ROBO1: variants seen among roughly 807,000 people sequenced by gnomAD.
ROBO1 encodes roundabout guidance receptor 1.
ROBO1 carries 149 observed loss-of-function variants against 195.9 expected under a neutral mutation model. The observed-to-expected ratio is 0.76, with a 90% CI of 0.67 to 0.87. The LOEUF is 0.87. Ranked by LOEUF, ROBO1 falls within the 40% of genes least tolerant of loss-of-function variation. ROBO1 has a pLI of 0.00. For missense variants in ROBO1, 1,933 were observed against 2,068.3 expected (o/e 0.93, Z 1.27); for synonymous variants, 816 against 733.2 (o/e 1.11, Z -1.82).
intron 2 of ROBO1, among the ~76,000 whole-genome samples, chr3:79,467,614 C>A (rs184231068): frequency 6.6e-6 from 1 of 151,956 alleles, no homozygotes; most frequent in Admixed American, 6.6e-5. Context: ...CACTCCATAC[C>A]CTTTTGGGCT....
At chr3:79,484,755 C>CTTTTTTTTTTTT (rs1158213253) in intron 2 of ROBO1, among the ~76,000 whole-genome samples, 20,203 of 65,964 alleles carry the variant, frequency 0.31, 7,691 homozygotes, top group Non-Finnish European at 0.4. Flanking sequence ...ATTGCACTAT[C>CTTTTTTTTTTTT]TTTTTTTTTT....
chr3:79,209,463 G>GT (rs147100356), intron 2 of ROBO1, among the ~76,000 whole-genome samples: 3,590 of 151,826 alleles, frequency 0.024, 115 homozygotes, highest in African/African-American at 0.076. Context: ...ATGTGCAAGT[G>GT]TTTTTTTTAT....
intron 2 of ROBO1, among the ~76,000 whole-genome samples, chr3:79,232,825 G>A (rs1169459139): frequency 6.6e-6 from 1 of 152,088 alleles, no homozygotes; most frequent in Non-Finnish European, 1.5e-5. Flanking sequence ...TCATTCTTTT[G>A]TAAAAAGTTA....
At chr3:79,055,208 C>A (rs773805095) in intron 3 of ROBO1, among the ~76,000 whole-genome samples, 1 of 152,080 alleles carries the variant, frequency 6.6e-6, no homozygotes, top group Non-Finnish European at 1.5e-5. Flanking sequence ...TCGTGTCTGC[C>A]AAGGTTCCTG....
At chr3:79,045,438 T>A (rs4680950) in intron 3 of ROBO1, among the ~76,000 whole-genome samples, 1 of 151,926 alleles carries the variant, frequency 6.6e-6, no homozygotes, top group Non-Finnish European at 1.5e-5. Context: ...CAGTTTAAAC[T>A]TCTTGGTTTT....
At chr3:79,762,085 G>T (rs1370247299) in intron 1 of ROBO1, among the ~76,000 whole-genome samples, 2 of 152,110 alleles carry the variant, frequency 1.3e-5, no homozygotes, top group East Asian at 1.9e-4. Flanking sequence ...TATCTTTAGG[G>T]TGCTACAACA....
At chr3:79,021,701 C>T (rs2078106265) in intron 3 of ROBO1, among the ~76,000 whole-genome samples, 2 of 143,248 alleles carry the variant, frequency 1.4e-5, no homozygotes, top group African/African-American at 5.3e-5. Context: ...GTCTTTGTCG[C>T]CCAGGCTGGA....
chr3:78,714,506 A>T lies in ROBO1; in HGVS notation c.936T>A (p.Asp312Glu). ...TCACCTTCCTAATTTTCAAGGTATGATCATCTCGGATTTCATATCTAATGA... is the reference window on the plus strand; with the variant it reads ...TCACCTTCCTAATTTTCAAGGTATGTTCATCTCGGATTTCATATCTAATGA... ...LPKSRYEIRD[D>E]HTLKIRKVTA... Residue 312 changes from aspartate to glutamate, a missense_variant, in exon 8 of 31, where the codon GAT becomes GAA. Transcript: ENST00000464233. 1.9e-6 allele frequency: 3 copies of T among 1,611,242 alleles called. No individual in the cohort carries two copies. Among genetic ancestry groups the T allele is most frequent in the Middle Eastern group, 3.3e-4 (2 of 6,056 alleles).
intron 1 of ROBO1, among the ~76,000 whole-genome samples, chr3:79,590,875 AT>A (rs1328124037): frequency 1.3e-5 from 2 of 151,756 alleles, no homozygotes; most frequent in African/African-American, 4.8e-5. Context: ...ATAATGACAT[AT>A]TTAGGCTATT....
chr3:78,813,562 A>G (rs1027296077), intron 4 of ROBO1, among the ~76,000 whole-genome samples: 2 of 152,118 alleles, frequency 1.3e-5, no homozygotes, highest in Non-Finnish European at 2.9e-5. Context: ...AATTCTCAGA[A>G]TCGTTCTGTT....
At chr3:79,565,961 C>T (rs1046749558) in intron 2 of ROBO1, among the ~76,000 whole-genome samples, 11 of 152,038 alleles carry the variant, frequency 7.2e-5, no homozygotes, top group Admixed American at 5.9e-4. Context: ...CGGTTCCCTT[C>T]CTGGTGGAAC....
At chr3:78,942,209 A>G (rs1430025318) in intron 3 of ROBO1, among the ~76,000 whole-genome samples, 1 of 151,990 alleles carries the variant, frequency 6.6e-6, no homozygotes, top group Non-Finnish European at 1.5e-5. Flanking sequence ...CTCAGGTGCA[A>G]TGATCACCTG....
At chr3:79,407,933 C>T (rs1478714614) in intron 2 of ROBO1, among the ~76,000 whole-genome samples, 1 of 152,012 alleles carries the variant, frequency 6.6e-6, no homozygotes, top group Non-Finnish European at 1.5e-5. Flanking sequence ...TGTGGGGGTT[C>T]TATAAACTAG....
chr3:78,651,305 G>A (rs1282772150), intron 19 of ROBO1, among the ~76,000 whole-genome samples: 1 of 152,036 alleles, frequency 6.6e-6, no homozygotes, highest in African/African-American at 2.4e-5. Context: ...TAATCAAACG[G>A]CAGTATTTTC....
intron 2 of ROBO1, among the ~76,000 whole-genome samples, chr3:79,577,147 T>TA (rs765933763): frequency 5.2e-4 from 78 of 151,264 alleles, no homozygotes; most frequent in African/African-American, 1.3e-3. Flanking sequence ...ACATGTAAAA[T>TA]AAAAAAATGT....
At chr3:79,351,249 T>C (rs965299532) in intron 2 of ROBO1, among the ~76,000 whole-genome samples, 4 of 152,202 alleles carry the variant, frequency 2.6e-5, no homozygotes, top group African/African-American at 9.7e-5. Flanking sequence ...ATTATCTGAC[T>C]TGGTCACAGA....
intron 4 of ROBO1, chr3:78,937,963 A>C (rs941840998): frequency 6.6e-6 from 1 of 151,060 alleles, no homozygotes; most frequent in Non-Finnish European, 1.5e-5. Flanking sequence ...AAATTCTCAT[A>C]TGTAGCTATG....
chr3:78,691,080 A>G (rs2081162845), intron 8 of ROBO1, among the ~76,000 whole-genome samples: 2 of 152,134 alleles, frequency 1.3e-5, no homozygotes, highest in Admixed American at 1.3e-4. Context: ...TCTTAGAAAC[A>G]TAACTTTTAA....
At chr3:79,065,003 A>C (rs891389678) in intron 3 of ROBO1, among the ~76,000 whole-genome samples, 3 of 151,970 alleles carry the variant, frequency 2.0e-5, no homozygotes, top group African/African-American at 7.3e-5. Flanking sequence ...CTTAAGTATT[A>C]AGAAACGAAA....
Sources: allele counts gnomAD v4.1 joint callset (sites outside exome capture counted in the v4.1 genomes callset), GRCh38; gene constraint gnomAD v4.1.1; transcripts MANE v1.5; gene names NCBI Gene and HGNC (gene_info 2026-07-23, HGNC 2026-07-21).